The following ACADVL variants were observed in gnomAD, a reference collection of about 807,000 sequenced individuals.
ACADVL encodes the protein very long-chain acyl-CoA dehydrogenase, mitochondrial.
In ACADVL, 73 loss-of-function variants were observed where a neutral mutation model predicts 80.4. That is an observed-to-expected ratio of 0.91 (90% CI 0.75 to 1.10). ACADVL has a LOEUF of 1.10. ACADVL is among the 50% of genes least tolerant of loss of function. The probability of loss-of-function intolerance (pLI) is 0.00; values close to 1 mark genes in which losing one functional copy is unlikely to be tolerated. For missense variants in ACADVL, 878 were observed against 858.9 expected (o/e 1.02, Z -0.28); for synonymous variants, 392 against 326.5 (o/e 1.20, Z -2.16).
At chr17:7,219,326 G>A (rs2142954804), upstream of ACADVL, 1 of 908,358 alleles carries the variant, frequency 1.1e-6, no homozygotes, top group Non-Finnish European at 1.3e-6. Flanking sequence ...GGAACAGAGG[G>A]CAAAGACAGA....
rs1555528469 is a variant in ACADVL at position 7,222,732 on chromosome 17, T to G, written c.944T>G (p.Val315Gly). The G allele has an allele frequency of 6.2e-7, 1 of 1,613,850 alleles. No individual in the cohort carries two copies. ...SNTAEVFFDG[V>G]RVPSENVLGE... is the part of the protein sequence containing the mutation. ...ACAGCAGAGGTGTTCTTTGATGGAG[T>G]ACGGGTGCCATCGGAGAACGTGCTG... Residue 315 changes from valine (V) to glycine (G), a missense_variant, in exon 10 of 20, where the codon GTA (valine) becomes GGA (glycine). Val to Gly is a moderately radical substitution (Grantham distance 109). Coordinates refer to ENST00000356839, the MANE Select transcript of ACADVL (RefSeq NM_000018.4).
chr17:7,218,506 G>T, upstream of ACADVL: 1 of 1,541,056 alleles, frequency 6.5e-7, no homozygotes, highest in Non-Finnish European at 8.8e-7. Flanking sequence ...AATGGCCCTT[G>T]GAGGCCCAGG....
rs543878973 is a variant in ACADVL at position 7,220,933 on chromosome 17, G to A, written c.352G>A (p.Asp118Asn). Residue 118 changes from aspartate (D) to asparagine (N), a missense_variant, in exon 6 of 20, where the codon GAT (aspartate) becomes AAT (asparagine). Asp to Asn is a conservative substitution (Grantham distance 23). Coordinates refer to ENST00000356839, the MANE Select transcript of ACADVL (RefSeq NM_000018.4). ...CCTGTGCCTTCCCCAGGAAGTGAAC[G>A]ATCCCGCCAAGAATGACGCTCTGGA... is the stretch of plus-strand genomic sequence containing the variant. ...PVSRFFEEVN[D>N]PAKNDALEMV... 2.0e-5 allele frequency: 33 copies of A among 1,613,990 alleles called. No homozygotes were observed. Among genetic ancestry groups the A allele is most frequent in the Admixed American group, 8.3e-5 (5 of 60,014 alleles).
rs2142976616 is a variant in ACADVL at position 7,221,966 on chromosome 17, GCTTT to G, written c.640_643del (p.Phe214ValfsTer2). ...CTCCCCAACAGGGGAGACTGTGGCCGCTTTCTGTCTAACCGAGCCCTCAAGCGGG... is the reference window on the plus strand; with the variant it reads ...CTCCCCAACAGGGGAGACTGTGGCCGCTGTCTAACCGAGCCCTCAAGCGGG... On this transcript the variant is annotated frameshift_variant, in exon 8 of 20. Transcript: ENST00000356839. LOFTEE classifies it high-confidence loss of function. 1 of 1,614,092 alleles carries G rather than the reference GCTTT, an allele frequency of 6.2e-7. No homozygotes were observed. The highest frequency in any genetic ancestry group is 8.5e-7 in the Non-Finnish European group (1 of 1,180,022).
chr17:7,223,121 A>T lies in ACADVL; in HGVS notation c.1078-12A>T. The T allele has an allele frequency of 6.2e-7, 1 of 1,605,976 alleles. No homozygotes were observed. The highest frequency in any genetic ancestry group is 8.5e-7 in the Non-Finnish European group (1 of 1,172,732). ...CACTGAACCACAGCGGGATGTGTGGACCCTCTTCCAGGTAGATCATGCCAC... is the reference window on the plus strand; with the variant it reads ...CACTGAACCACAGCGGGATGTGTGGTCCCTCTTCCAGGTAGATCATGCCAC... On this transcript the variant is annotated splice_polypyrimidine_tract_variant and intron_variant, in intron 10 of 19. Transcript: ENST00000356839.
In ACADVL at chr17:7,223,972, C is replaced by G. The variant is rs1255480316; in HGVS notation, c.1337C>G (p.Pro446Arg). The G allele has an allele frequency of 1.9e-6, 3 of 1,613,684 alleles. No individual in the cohort carries two copies. Among genetic ancestry groups the G allele is most frequent in the South Asian group, 1.1e-5 (1 of 91,046 alleles). The stretch of plus-strand genomic sequence containing the variant: ...ATTTGTGTGGCCCTGTGCTAGGAAC[C>G]TGGAGTAGAGCGTGTGCTCCGAGAT... ...IMGGMGFMKE[P>R]GVERVLRDLR... The change falls in exon 14 of 20, where the codon CCT (proline) becomes CGT (arginine). Residue 446 changes from proline (P) to arginine (R), a missense_variant. Coordinates refer to ENST00000356839, the MANE Select transcript of ACADVL (RefSeq NM_000018.4).
chr17:7,217,256 A>T, upstream of ACADVL: 3 of 1,039,932 alleles, frequency 2.9e-6, no homozygotes, highest in Non-Finnish European at 1.2e-6. Flanking sequence ...CCACTTTTGC[A>T]GGGGGGGCCA....
In ACADVL at chr17:7,222,258, G is replaced by C. The variant is rs1423519889; in HGVS notation, c.834G>C (p.Lys278Asn). Residue 278 changes from lysine to asparagine, a missense_variant, in exon 9 of 20, where the codon AAG becomes AAC. Lys to Asn is a moderately conservative substitution (Grantham distance 94, BLOSUM62 0). Coordinates refer to ENST00000356839, the MANE Select transcript of ACADVL (RefSeq NM_000018.4). The stretch of plus-strand genomic sequence containing the variant: ...CAGCCACAGGAGCCGTGAAGGAGAA[G>C]ATCACAGCTTTTGTGGTGGAGAGGG... Reference protein sequence around the residue: ...TDPATGAVKEKITAFVVERGF... With the variant: ...TDPATGAVKENITAFVVERGF... The C allele has an allele frequency of 6.2e-7, 1 of 1,614,134 alleles. No homozygotes were observed. Among genetic ancestry groups the C allele is most frequent in the Non-Finnish European group, 8.5e-7 (1 of 1,180,014 alleles).
In ACADVL at chr17:7,224,213, T is replaced by TG; in HGVS notation, c.1503dup (p.Leu502AlafsTer60). ...AATCCCTTTGGGAATGCTGGCCTCC[T>TG]GCTAGGAGAGGCAGGCAAACAGCTG... is the stretch of plus-strand genomic sequence containing the variant. On this transcript the variant is annotated frameshift_variant, in exon 15 of 20. Transcript: ENST00000356839. LOFTEE classifies it high-confidence loss of function. The TG allele has an allele frequency of 6.2e-7, 1 of 1,614,016 alleles. No individual in the cohort carries two copies. Among genetic ancestry groups the TG allele is most frequent in the South Asian group, 1.1e-5 (1 of 91,084 alleles).
chr17:7,220,904 G>C lies in ACADVL; in HGVS notation c.343-20G>C. The C allele has an allele frequency of 6.2e-7, 1 of 1,614,092 alleles. No homozygotes were observed. On this transcript the variant is annotated intron_variant, in intron 5 of 19. Coordinates refer to ENST00000356839, the MANE Select transcript of ACADVL (RefSeq NM_000018.4). Reference sequence around the variant, plus strand: ...TAAGCTCAAAAGGAGCCTGGATGTGGGATCCTGTGCCTTCCCCAGGAAGTG... The same window carrying C: ...TAAGCTCAAAAGGAGCCTGGATGTGCGATCCTGTGCCTTCCCCAGGAAGTG...
rs560912181 is a variant in ACADVL at position 7,220,951 on chromosome 17, G to T, written c.370G>T (p.Ala124Ser). Residue 124 changes from alanine (A) to serine (S), a missense_variant, in exon 6 of 20, where the codon GCT (alanine) becomes TCT (serine). By Grantham distance (99) the Ala-to-Ser change is moderately conservative. Transcript: ENST00000356839. ...AGTGAACGATCCCGCCAAGAATGAC[G>T]CTCTGGAGATGGTGGAGGAGACCAC... is the stretch of plus-strand genomic sequence containing the variant. ...EEVNDPAKND[A>S]LEMVEETTWQ... The T allele has an allele frequency of 6.2e-7, 1 of 1,614,108 alleles. No individual in the cohort carries two copies. Among genetic ancestry groups the T allele is most frequent in the Admixed American group, 1.7e-5 (1 of 60,018 alleles).
At chr17:7,221,760 T>C in intron 7 of ACADVL, 78 bp downstream of exon 7, 1 of 1,607,256 alleles carries the variant, frequency 6.2e-7, no homozygotes, top group South Asian at 1.1e-5. Flanking sequence ...GCACTTAGAT[T>C]ATCAGATGGC....
upstream of ACADVL, chr17:7,217,632 A>T (rs1438124761): frequency 1.8e-6 from 2 of 1,133,244 alleles, no homozygotes; most frequent in African/African-American, 4.6e-5. Context: ...AGGAGGAGAG[A>T]GGAAGCAGGG....
At chr17:7,221,342 AAGAC>A (rs1221059077) in intron 6 of ACADVL, 192 bp from the exon 7 acceptor site, 4 of 1,034,248 alleles carry the variant, frequency 3.9e-6, no homozygotes, top group Admixed American at 2.1e-5. Context: ...ACCTAGACCT[AAGAC>A]AGACCAGCAT....
chr17:7,218,670 G>A (rs764715841), upstream of ACADVL: 1 of 1,550,890 alleles, frequency 6.4e-7, no homozygotes, highest in South Asian at 1.2e-5. Context: ...TTGGGACAGG[G>A]AAGATGCCAA....
upstream of ACADVL, chr17:7,217,554 A>AGTG (rs1446528034): frequency 4.5e-5 from 5 of 111,728 alleles, no homozygotes; most frequent in Non-Finnish European, 5.1e-5. Flanking sequence ...GTGGCGGGGG[A>AGTG]GTGGGGTGGG....
Position 7,224,652 on chromosome 17 carries a change from T to TC in ACADVL, c.1690dup (p.Leu564ProfsTer28). The TC allele has an allele frequency of 1.5e-6, 2 of 1,353,952 alleles. No individual in the cohort carries two copies. The highest frequency in any genetic ancestry group is 1.9e-6 in the Non-Finnish European group (2 of 1,026,358). The allele number at this position is 1,353,952 out of a possible 1,614,324, so 83.9% of individuals were successfully genotyped here. A position where few individuals can be genotyped will look rare whatever the true frequency, so the allele number is the denominator to read the frequency against. On this transcript the variant is annotated frameshift_variant, in exon 18 of 20. Transcript: ENST00000356839. LOFTEE classifies it high-confidence loss of function. Reference sequence around the variant, plus strand: ...CCACCTACCGGACAGATGAACAGTTTCTGCTGCAGCGGCTGGCAGACGGGG... The same window carrying TC: ...CCACCTACCGGACAGATGAACAGTTTCCTGCTGCAGCGGCTGGCAGACGGGG...
chr17:7,224,424 A>G (rs747249414), intron 16 of ACADVL, 31 bp downstream of exon 16: 2 of 1,613,838 alleles, frequency 1.2e-6, no homozygotes, highest in East Asian at 2.2e-5. Flanking sequence ...GAGAGCCTGC[A>G]TCAGGGACTG....
rs368213180 is a variant in ACADVL, at chr17:7,220,847, G to A, written c.342+17G>A. On this transcript the variant is annotated intron_variant, in intron 5 of 19. Coordinates refer to ENST00000356839, the MANE Select transcript of ACADVL (RefSeq NM_000018.4). ...TTCTTCGAGGTAAGGAATGACTCGG[G>A]GCTTGGTCCCTGGTGAGGTGTTTGG... 6.2e-7 allele frequency: 1 copy of A among 1,614,088 alleles called. No individual in the cohort carries two copies. The highest frequency in any genetic ancestry group is 2.2e-5 in the East Asian group (1 of 44,886).
Sources: allele counts gnomAD v4.1 joint callset, GRCh38; gene constraint gnomAD v4.1.1; transcripts MANE v1.5; gene names NCBI Gene and HGNC (gene_info 2026-07-23, HGNC 2026-07-21).